The following SLC16A10 variants were observed in gnomAD, a reference collection of about 807,000 sequenced individuals.
The protein encoded by SLC16A10 is solute carrier family 16 member 10, also known as monocarboxylate transporter 10.
SLC16A10 carries 27 observed loss-of-function variants against 40.0 expected under a neutral mutation model. The observed-to-expected ratio is 0.67, with a 90% CI of 0.50 to 0.93. The LOEUF (loss-of-function observed/expected upper bound fraction) is 0.93. SLC16A10 is among the 40% of genes least tolerant of loss of function. The pLI is 0.00. For synonymous variants in SLC16A10, 213 were observed against 249.8 expected (o/e 0.85, Z 1.39); for missense variants, 529 against 658.2 (o/e 0.80, Z 2.15).
At chr6:111,209,288 C>T (rs1056129708) in intron 4 of SLC16A10, among the ~76,000 whole-genome samples, 3 of 152,018 alleles carry the variant, frequency 2.0e-5, no homozygotes, top group African/African-American at 7.3e-5. Context: ...CAGGAAGAAC[C>T]AAGGCAGAGA....
Position 111,222,431 on chromosome 6 carries a change from G to A in SLC16A10, c.*196G>A. 5.3e-6 allele frequency: 3 copies of A among 565,122 alleles called. No individual in the cohort carries two copies. Among genetic ancestry groups the A allele is most frequent in the Non-Finnish European group, 8.2e-6 (3 of 365,134 alleles). 35.0% of individuals were successfully genotyped at this position (565,122 alleles called of 1,614,324 possible). On this transcript the variant is annotated 3_prime_UTR_variant, in exon 6 of 6. Coordinates refer to ENST00000368851, the MANE Select transcript of SLC16A10 (RefSeq NM_018593.5). ...ATCTCTGATGTTTCCATGAGTCTGA[G>A]GGCAGAGACTCTGGTATATGAAAAC...
intron 1 of SLC16A10, among the ~76,000 whole-genome samples, chr6:111,149,502 C>A (rs1245511437): frequency 6.6e-6 from 1 of 152,168 alleles, no homozygotes; most frequent in Non-Finnish European, 1.5e-5. Context: ...AGATTAATTT[C>A]AACAAAGTTG....
At chr6:111,136,362 A>G (rs551424950) in intron 1 of SLC16A10, among the ~76,000 whole-genome samples, 5 of 152,220 alleles carry the variant, frequency 3.3e-5, no homozygotes, top group Non-Finnish European at 7.3e-5. Flanking sequence ...GGTTGGCCTC[A>G]TTGTTTACGG....
chr6:111,143,336 G>A (rs545441863), intron 1 of SLC16A10, among the ~76,000 whole-genome samples: 27 of 151,932 alleles, frequency 1.8e-4, no homozygotes, highest in African/African-American at 5.3e-4. Context: ...TCAGCCTCCC[G>A]AAGTGCTGGG....
intron 1 of SLC16A10, among the ~76,000 whole-genome samples, chr6:111,163,938 A>G (rs545881724): frequency 4.0e-4 from 61 of 152,314 alleles, no homozygotes; most frequent in Non-Finnish European, 5.9e-4. Flanking sequence ...ATTCTGTCCA[A>G]TCTTAACCAG....
intron 2 of SLC16A10, among the ~76,000 whole-genome samples, chr6:111,175,954 C>T (rs981164763): frequency 9.2e-5 from 14 of 152,110 alleles, no homozygotes; most frequent in Admixed American, 5.2e-4. Context: ...CTTGGCCACC[C>T]AAAGTGTTGG....
intron 4 of SLC16A10, among the ~76,000 whole-genome samples, chr6:111,216,212 C>A (rs956891627): frequency 4.6e-5 from 7 of 152,146 alleles, no homozygotes; most frequent in African/African-American, 1.4e-4. Context: ...CCAGTTCTTT[C>A]CAACCTGCCA....
Position 111,177,202 on chromosome 6 carries a change from C to T in SLC16A10, c.489-10C>T. On this transcript the variant is annotated splice_polypyrimidine_tract_variant and intron_variant, in intron 2 of 5. Transcript: ENST00000368851. Reference sequence around the variant, plus strand: ...GAAAGCTGCTTTCCATCTTTTTCATCTTTATACAGTTCCATCGAGCCTCTG... The same window carrying T: ...GAAAGCTGCTTTCCATCTTTTTCATTTTTATACAGTTCCATCGAGCCTCTG... 1 of 1,484,932 alleles carries T rather than the reference C, an allele frequency of 6.7e-7. No individual in the cohort carries two copies. The highest frequency in any genetic ancestry group is 2.3e-5 in the East Asian group (1 of 43,874). The allele number at this position is 1,484,932 out of a possible 1,614,324, so 92.0% of individuals were successfully genotyped here. A position where few individuals can be genotyped will look rare whatever the true frequency, so the allele number is the denominator to read the frequency against.
At chr6:111,088,792 A>G (rs1287325508) in intron 1 of SLC16A10, among the ~76,000 whole-genome samples, 1 of 151,058 alleles carries the variant, frequency 6.6e-6, no homozygotes, top group East Asian at 1.9e-4. Context: ...CCATATAGTA[A>G]ATTAGATACA....
chr6:111,162,078 GT>G (rs1489596001), intron 1 of SLC16A10, among the ~76,000 whole-genome samples: 19 of 152,200 alleles, frequency 1.2e-4, no homozygotes, highest in African/African-American at 4.3e-4. Flanking sequence ...TTAATGAAAA[GT>G]GTATGATAAA....
rs138596963 is a variant in SLC16A10 at position 111,175,720 on chromosome 6, G to A, written c.489-1492G>A. Among the ~76,000 whole-genome samples the A allele has an allele frequency of 1.2e-3, 135 of 115,490 alleles. 1 individual carries two copies. Among genetic ancestry groups the A allele is most frequent in the African/African-American group, 3.9e-3 (131 of 33,170 alleles). 75.8% of individuals were successfully genotyped at this position (115,490 alleles called of 152,430 possible). ...GCAGAACCACATTTTTTTTTTTTTT[G>A]AGACAGGGTCTCACTATTACTCAGG... On this transcript the variant is annotated intron_variant, in intron 2 of 5. Coordinates refer to ENST00000368851, the MANE Select transcript of SLC16A10 (RefSeq NM_018593.5).
At chr6:111,102,134 T>C (rs1269575749) in intron 1 of SLC16A10, among the ~76,000 whole-genome samples, 1 of 152,226 alleles carries the variant, frequency 6.6e-6, no homozygotes, top group African/African-American at 2.4e-5. Flanking sequence ...AGCATATCTG[T>C]ATATGTCGTC....
intron 1 of SLC16A10, among the ~76,000 whole-genome samples, chr6:111,134,192 G>A (rs1244231939): frequency 2.0e-5 from 3 of 152,202 alleles, no homozygotes; most frequent in African/African-American, 7.2e-5. Context: ...AGAATCAGAA[G>A]ATGGAGATTG....
chr6:111,160,690 G>A (rs907328701), intron 1 of SLC16A10, among the ~76,000 whole-genome samples: 1 of 152,194 alleles, frequency 6.6e-6, no homozygotes, highest in African/African-American at 2.4e-5. Flanking sequence ...GTGTAAGGAT[G>A]GGTGGAGAAG....
chr6:111,158,867 C>T (rs550336602), intron 1 of SLC16A10, among the ~76,000 whole-genome samples: 2 of 151,992 alleles, frequency 1.3e-5, no homozygotes, highest in African/African-American at 2.4e-5. Context: ...GGACAGATCA[C>T]GTGAATCCAG....
chr6:111,129,298 C>T (rs900535499), intron 1 of SLC16A10, among the ~76,000 whole-genome samples: 2 of 152,296 alleles, frequency 1.3e-5, no homozygotes, highest in East Asian at 1.9e-4. Context: ...TGGAAAAGTA[C>T]AGTGGTTTGG....
At chr6:111,152,836 TTCAA>T (rs1277172380) in intron 1 of SLC16A10, among the ~76,000 whole-genome samples, 5 of 152,240 alleles carry the variant, frequency 3.3e-5, no homozygotes, top group African/African-American at 1.2e-4. Flanking sequence ...AGTGTTCTCA[TTCAA>T]TCATTTGATA....
At chr6:111,148,255 G>A (rs1370454278) in intron 1 of SLC16A10, among the ~76,000 whole-genome samples, 1 of 152,078 alleles carries the variant, frequency 6.6e-6, no homozygotes, top group African/African-American at 2.4e-5. Flanking sequence ...GAGGATCCAG[G>A]TCCCACATCC....
chr6:111,175,019 A>C (rs1049046399), intron 2 of SLC16A10, among the ~76,000 whole-genome samples: 9 of 152,182 alleles, frequency 5.9e-5, no homozygotes, highest in African/African-American at 1.9e-4. Flanking sequence ...TTGCTGATCA[A>C]AGGCTACTGA....
Sources: gnomAD v4.1 joint callset for allele counts (sites outside exome capture counted in the v4.1 genomes callset) on GRCh38, gnomAD v4.1.1 for gene constraint, MANE v1.5 for transcripts, NCBI Gene and HGNC (gene_info 2026-07-23, HGNC 2026-07-21) for gene names.